CDH13: variants seen among roughly 807,000 people sequenced by gnomAD.
The protein encoded by CDH13 is cadherin-13.
CDH13 carries 24 observed loss-of-function variants against 63.8 expected under a neutral mutation model. The observed-to-expected ratio is 0.38, with a 90% CI of 0.27 to 0.53. CDH13 has a LOEUF of 0.53. Ranked by LOEUF, CDH13 falls within the 20% of genes least tolerant of loss-of-function variation. The pLI is 0.85. For missense variants in CDH13, 1,049 were observed against 903.1 expected (o/e 1.16, Z -2.07); for synonymous variants, 503 against 355.3 (o/e 1.42, Z -4.67).
intron 5 of CDH13, among the ~76,000 whole-genome samples, chr16:83,323,918 A>C (rs868804689): frequency 3.3e-5 from 5 of 152,176 alleles, no homozygotes; most frequent in African/African-American, 1.2e-4. Flanking sequence ...AGAGGTTTTA[A>C]ACAGCCTTAT....
At chr16:83,682,771 A>G (rs1195097065) in intron 10 of CDH13, among the ~76,000 whole-genome samples, 1 of 151,734 alleles carries the variant, frequency 6.6e-6, no homozygotes, top group African/African-American at 2.4e-5. Context: ...CAACAACCCC[A>G]TCTCATGTCA....
intron 2 of CDH13, among the ~76,000 whole-genome samples, chr16:82,926,685 A>G (rs1466075645): frequency 1.3e-5 from 2 of 152,226 alleles, no homozygotes; most frequent in East Asian, 1.9e-4. Context: ...AAGTGATTCT[A>G]GCTCTGCTGT....
intron 6 of CDH13, among the ~76,000 whole-genome samples, chr16:83,464,857 G>T (rs2073269189): frequency 6.6e-6 from 1 of 152,160 alleles, no homozygotes; most frequent in African/African-American, 2.4e-5. Flanking sequence ...TGCCCAGGTG[G>T]GTCTTGAACG....
rs568332686 is a variant in CDH13, at chr16:83,227,942, A to G, written c.636+10445A>G. On this transcript the variant is annotated intron_variant, in intron 5 of 13. Transcript: ENST00000567109. ...ATCCCTGCTTCATGGAGCTCTGTCA[A>G]TCTACAGGCATTAGTGAGTATGTGA... Among the ~76,000 whole-genome samples the G allele has an allele frequency of 2.0e-4, 31 of 152,286 alleles. 2 individuals are homozygous for G. The South Asian group carries it at 6.0e-3, about 30-fold the overall frequency.
chr16:82,712,213 C>T (rs1409547685), intron 1 of CDH13, among the ~76,000 whole-genome samples: 1 of 152,124 alleles, frequency 6.6e-6, no homozygotes, highest in African/African-American at 2.4e-5. Flanking sequence ...GTAACCCTCC[C>T]TTTATCAAAA....
chr16:83,378,716 G>C (rs1340841098), intron 6 of CDH13, among the ~76,000 whole-genome samples: 1 of 152,044 alleles, frequency 6.6e-6, no homozygotes, highest in Non-Finnish European at 1.5e-5. Flanking sequence ...TCTTTAAATT[G>C]GGATGACTGT....
chr16:83,503,701 T>G (rs4782804), intron 7 of CDH13, among the ~76,000 whole-genome samples: 152,251 of 152,316 alleles, frequency 1, 76,093 homozygotes, highest in Non-Finnish European at 1. Flanking sequence ...CTTGAGAAGT[T>G]TCTGTTCATA....
chr16:83,071,219 C>G (rs970370244), intron 3 of CDH13, among the ~76,000 whole-genome samples: 4 of 152,184 alleles, frequency 2.6e-5, no homozygotes, highest in Non-Finnish European at 4.4e-5. Flanking sequence ...CTCTACAACA[C>G]AGCAATTGTG....
intron 6 of CDH13, among the ~76,000 whole-genome samples, chr16:83,430,020 C>G (rs1598000904): frequency 6.6e-6 from 1 of 152,252 alleles, no homozygotes; most frequent in East Asian, 1.9e-4. Context: ...TTTTAGGTAC[C>G]TCATCTAAGT....
intron 3 of CDH13, among the ~76,000 whole-genome samples, chr16:83,075,725 T>C (rs113199374): frequency 1.3e-5 from 2 of 152,312 alleles, no homozygotes; most frequent in African/African-American, 4.8e-5. Flanking sequence ...AATAGAGACA[T>C]ATCAATCTTG....
At chr16:83,324,413 C>G (rs187112946) in intron 5 of CDH13, among the ~76,000 whole-genome samples, 16 of 152,326 alleles carry the variant, frequency 1.1e-4, no homozygotes, top group Admixed American at 1.0e-3. Flanking sequence ...AACACCCCCT[C>G]TTTCCTATCT....
At chr16:83,321,475 A>G (rs1025263193) in intron 5 of CDH13, among the ~76,000 whole-genome samples, 22 of 150,874 alleles carry the variant, frequency 1.5e-4, no homozygotes, top group African/African-American at 4.6e-4. Context: ...GACAACGACT[A>G]GGCTGTCATA....
chr16:83,224,638 C>G (rs976371949), intron 5 of CDH13, among the ~76,000 whole-genome samples: 1 of 152,228 alleles, frequency 6.6e-6, no homozygotes, highest in African/African-American at 2.4e-5. Flanking sequence ...ACTCTCCTAT[C>G]ACGTGAACCA....
intron 1 of CDH13, among the ~76,000 whole-genome samples, chr16:82,711,554 A>G (rs889135108): frequency 4.6e-5 from 7 of 152,348 alleles, no homozygotes; most frequent in Middle Eastern, 3.4e-3. Flanking sequence ...AATCAGGTGT[A>G]GAATTAATTC....
intron 5 of CDH13, among the ~76,000 whole-genome samples, chr16:83,328,240 G>T (rs553296028): frequency 1.3e-5 from 2 of 152,258 alleles, no homozygotes; most frequent in Non-Finnish European, 2.9e-5. Flanking sequence ...AGAAACAGAA[G>T]TCCATGCTTG....
chr16:83,408,123 C>T (rs1045985898), intron 6 of CDH13, among the ~76,000 whole-genome samples: 2 of 152,160 alleles, frequency 1.3e-5, no homozygotes, highest in African/African-American at 4.8e-5. Context: ...AAGATGTACC[C>T]GGTCTCATTC....
intron 3 of CDH13, among the ~76,000 whole-genome samples, chr16:83,108,808 C>T (rs561483085): frequency 2.6e-5 from 4 of 152,264 alleles, no homozygotes; most frequent in South Asian, 2.1e-4. Context: ...AATGTGTACC[C>T]ATCCCTAGGA....
intron 2 of CDH13, among the ~76,000 whole-genome samples, chr16:82,958,751 G>A (rs561433727): frequency 7.5e-4 from 114 of 152,370 alleles, no homozygotes; most frequent in Middle Eastern, 6.8e-3. Context: ...TCAGGGACCA[G>A]TAGCAGTCAT....
At chr16:83,587,067 G>A (rs1336197694) in intron 7 of CDH13, among the ~76,000 whole-genome samples, 1 of 152,086 alleles carries the variant, frequency 6.6e-6, no homozygotes, top group Non-Finnish European at 1.5e-5. Context: ...CTGGAATTAT[G>A]GCCAGCAATA....
Sources: gnomAD v4.1 joint callset for allele counts (sites outside exome capture counted in the v4.1 genomes callset) on GRCh38, gnomAD v4.1.1 for gene constraint, MANE v1.5 for transcripts, NCBI Gene and HGNC (gene_info 2026-07-23, HGNC 2026-07-21) for gene names.